Variants in TOX observed in about 807,000 individuals in gnomAD.
The protein encoded by TOX is thymocyte selection associated high mobility group box.
In TOX, 11 loss-of-function variants were observed where a neutral mutation model predicts 53.7. The observed-to-expected ratio is 0.20, with a 90% CI of 0.13 to 0.34. The LOEUF (loss-of-function observed/expected upper bound fraction) is 0.34, where lower values mean the gene tolerates loss of function less well. Ranked by LOEUF, TOX falls within the 10% of genes least tolerant of loss-of-function variation. The pLI is 1.00. For missense variants in TOX, 570 were observed against 664.6 expected, an observed-to-expected ratio of 0.86 and a Z score of 1.56; for synonymous variants, 225 against 245.3, an observed-to-expected ratio of 0.92 and a Z score of 0.77.
chr8:59,091,502 G>A (rs1804605752), intron 1 of TOX, among the ~76,000 whole-genome samples: 1 of 151,736 alleles, frequency 6.6e-6, no homozygotes, highest in Admixed American at 6.6e-5. Flanking sequence ...TGCTCTTCTT[G>A]GACAATATAG....
intron 3 of TOX, among the ~76,000 whole-genome samples, chr8:58,864,248 T>C (rs1384929006): frequency 1.3e-5 from 2 of 152,174 alleles, no homozygotes; most frequent in African/African-American, 2.4e-5. Flanking sequence ...CTAAAAGCTA[T>C]CTGACAGTTT....
intron 1 of TOX, among the ~76,000 whole-genome samples, chr8:59,060,575 C>G (rs1348336888): frequency 6.6e-6 from 1 of 152,148 alleles, no homozygotes. Flanking sequence ...TGCGGTGAGC[C>G]AAGATCACAC....
At chr8:59,015,215 C>T (rs1332746280) in intron 1 of TOX, among the ~76,000 whole-genome samples, 1 of 152,200 alleles carries the variant, frequency 6.6e-6, no homozygotes, top group East Asian at 1.9e-4. Flanking sequence ...GTTATGAGTG[C>T]ATTAGGATAT....
At chr8:58,826,192 C>T (rs548713835) in intron 6 of TOX, among the ~76,000 whole-genome samples, 87 of 152,240 alleles carry the variant, frequency 5.7e-4, no homozygotes, top group Admixed American at 7.2e-4. Flanking sequence ...AGCCAATTTG[C>T]GACATGAGAT....
chr8:59,026,970 A>G (rs1229613414), intron 1 of TOX, among the ~76,000 whole-genome samples: 1 of 151,634 alleles, frequency 6.6e-6, no homozygotes, highest in Non-Finnish European at 1.5e-5. Flanking sequence ...AGCAATGGAG[A>G]AGGGGGAGTG....
intron 6 of TOX, among the ~76,000 whole-genome samples, chr8:58,819,266 C>A (rs760808099): frequency 5.9e-5 from 9 of 152,242 alleles, no homozygotes; most frequent in East Asian, 1.9e-4. Context: ...TTTTCTCATA[C>A]ATACTAAGTA....
intron 3 of TOX, among the ~76,000 whole-genome samples, chr8:58,887,321 C>T (rs902303955): frequency 6.6e-6 from 1 of 151,792 alleles, no homozygotes; most frequent in African/African-American, 2.4e-5. Context: ...TCACTTCATA[C>T]AAGAAAGGTT....
At position 58,901,649 on chromosome 8, in the gene TOX, C is replaced by G. The variant is rs139858546; in HGVS notation, c.411+37653G>C. 1.5e-4 allele frequency among the ~76,000 whole-genome samples: 23 copies of G among 152,148 alleles called. No homozygotes were observed. In the East Asian group the frequency reaches 4.2e-3, roughly 28 times the overall value. On this transcript the variant is annotated intron_variant, in intron 3 of 8. Coordinates refer to ENST00000361421, the MANE Select transcript of TOX (RefSeq NM_014729.3). Reference sequence around the variant, plus strand: ...TGATTGAAATTGGACTTCTCTACTTCTAAAGGTAGTAAATAAATCTAAAGA... The same window carrying G: ...TGATTGAAATTGGACTTCTCTACTTGTAAAGGTAGTAAATAAATCTAAAGA...
intron 3 of TOX, among the ~76,000 whole-genome samples, chr8:58,881,201 G>A (rs1355539140): frequency 2.6e-5 from 4 of 151,968 alleles, no homozygotes; most frequent in African/African-American, 9.7e-5. Flanking sequence ...CGTTAAATGA[G>A]GACACTGCAA....
At chr8:58,846,556 T>C (rs769170113) in intron 4 of TOX, among the ~76,000 whole-genome samples, 1 of 152,174 alleles carries the variant, frequency 6.6e-6, no homozygotes, top group Non-Finnish European at 1.5e-5. Flanking sequence ...AAGGCTTATT[T>C]AATTGCTGCT....
intron 2 of TOX, among the ~76,000 whole-genome samples, chr8:58,941,001 T>C (rs1211114012): frequency 6.6e-6 from 1 of 152,120 alleles, no homozygotes; most frequent in Non-Finnish European, 1.5e-5. Context: ...AAGGGAAAAA[T>C]TTGACTGTTA....
chr8:59,038,064 G>A (rs573800899), intron 1 of TOX, among the ~76,000 whole-genome samples: 1 of 152,240 alleles, frequency 6.6e-6, no homozygotes, highest in South Asian at 2.1e-4. Context: ...TTTCCTGACA[G>A]TGACACTAAT....
At chr8:58,930,883 T>G (rs1812244010) in intron 3 of TOX, among the ~76,000 whole-genome samples, 1 of 152,218 alleles carries the variant, frequency 6.6e-6, no homozygotes, top group Non-Finnish European at 1.5e-5. Context: ...TGAAAGCTCA[T>G]GGCTAGGATC....
At chr8:58,871,884 A>G (rs554078158) in intron 3 of TOX, among the ~76,000 whole-genome samples, 8 of 152,298 alleles carry the variant, frequency 5.3e-5, no homozygotes, top group Admixed American at 2.0e-4. Context: ...CAGTATTCAT[A>G]CATATATCTC....
chr8:59,030,312 A>G (rs988663826), intron 1 of TOX, among the ~76,000 whole-genome samples: 2 of 152,182 alleles, frequency 1.3e-5, no homozygotes, highest in African/African-American at 4.8e-5. Context: ...GTTTAATTAA[A>G]TGTTGACAAC....
At chr8:58,812,507 C>T (rs1185493062) in intron 7 of TOX, among the ~76,000 whole-genome samples, 3 of 152,294 alleles carry the variant, frequency 2.0e-5, no homozygotes, top group East Asian at 1.9e-4. Context: ...GTATTTAAAG[C>T]GTGCTTCCTC....
intron 1 of TOX, among the ~76,000 whole-genome samples, chr8:58,985,072 T>C (rs1813301442): frequency 6.7e-6 from 1 of 149,532 alleles, no homozygotes; most frequent in African/African-American, 2.4e-5. Flanking sequence ...ATATATCTTC[T>C]ATCTATATAT....
At chr8:58,817,389 T>TAA (rs1196696968) in intron 6 of TOX, among the ~76,000 whole-genome samples, 128 of 143,464 alleles carry the variant, frequency 8.9e-4, no homozygotes, top group Middle Eastern at 3.3e-3. Flanking sequence ...TGCTTTTCAT[T>TAA]AAAAAAAAAA....
Position 58,838,374 on chromosome 8 carries a change from G to A in TOX, c.694-63C>T, listed in dbSNP as rs769345609. 38 of 1,389,134 alleles carry A rather than the reference G, an allele frequency of 2.7e-5. No homozygotes were observed. The East Asian group carries it at 4.1e-4, about 15-fold the overall frequency. 86.1% of individuals were successfully genotyped at this position (1,389,134 alleles called of 1,614,324 possible). ...AGACAATTTGGGGACAAGACATATC[G>A]TTGTTTTCCTTTGAGACTTAGACAC... On this transcript the variant is annotated intron_variant, in intron 4 of 8. Coordinates refer to ENST00000361421, the MANE Select transcript of TOX (RefSeq NM_014729.3).
Sources: gnomAD v4.1 joint callset for allele counts (sites outside exome capture counted in the v4.1 genomes callset) on GRCh38, gnomAD v4.1.1 for gene constraint, MANE v1.5 for transcripts, NCBI Gene and HGNC (gene_info 2026-07-23, HGNC 2026-07-21) for gene names.